The following TPO variants were observed in gnomAD, a reference collection of about 807,000 sequenced individuals.
TPO encodes the protein thyroid peroxidase, also known as thyroid microsomal antigen.
TPO carries 78 observed loss-of-function variants against 96.9 expected under a neutral mutation model. That is an observed-to-expected ratio of 0.81 (90% CI 0.67 to 0.97). The LOEUF (loss-of-function observed/expected upper bound fraction) is 0.97, where lower values mean the gene tolerates loss of function less well. TPO is among the 50% of genes least tolerant of loss of function. TPO has a pLI of 0.00. For missense variants in TPO, 1,252 were observed against 1,274.8 expected, an observed-to-expected ratio of 0.98 and a Z score of 0.27; for synonymous variants, 547 against 538.0, an observed-to-expected ratio of 1.02 and a Z score of -0.23.
rs549718968 is a variant in TPO, at chr2:1,418,180, G to A, written c.94+3678G>A. On this transcript the variant is annotated intron_variant, in intron 2 of 16. Coordinates refer to ENST00000329066, the MANE Select transcript of TPO (RefSeq NM_001206744.2). ...TGCCCACCTGTCATCCCAGCTACTC[G>A]GGAGGCTGAGGCACGAGAATCAGTT... Among the ~76,000 whole-genome samples the A allele has an allele frequency of 1.7e-4, 26 of 152,102 alleles. 1 individual carries two copies. In the South Asian group the frequency reaches 4.6e-3, roughly 27 times the overall value.
intron 15 of TPO, among the ~76,000 whole-genome samples, chr2:1,537,064 G>GTGTGCAACCTCCCCAATTCCCCA (rs1679888521): frequency 6.0e-5 from 1 of 16,566 alleles, no homozygotes; most frequent in African/African-American, 6.5e-4. Flanking sequence ...CCAAATCCCT[G>GTGTGCAACCTCCCCAATTCCCCA]CCACTGTGTG....
intron 3 of TPO, among the ~76,000 whole-genome samples, chr2:1,427,700 G>A (rs1216203694): frequency 1.3e-5 from 2 of 152,222 alleles, no homozygotes; most frequent in East Asian, 1.9e-4. Flanking sequence ...GAGACCAGAG[G>A]CCGAGGAACC....
At chr2:1,530,263 T>A (rs1677782687) in intron 15 of TPO, among the ~76,000 whole-genome samples, 2 of 79,758 alleles carry the variant, frequency 2.5e-5, no homozygotes, top group African/African-American at 1.1e-4. Context: ...ATCCCCCCAC[T>A]GTGTGCAACC....
chr2:1,503,880 G>A, intron 13 of TPO, 68 bp from the exon 14 acceptor site: 1 of 1,613,338 alleles, frequency 6.2e-7, no homozygotes, highest in Non-Finnish European at 8.5e-7. Flanking sequence ...TCCCAGAACG[G>A]GGGTCGCTCG....
At chr2:1,433,686 C>T (rs1665263001) in intron 4 of TPO, 79 bp downstream of exon 4, 9 of 1,535,504 alleles carry the variant, frequency 5.9e-6, no homozygotes, top group African/African-American at 1.4e-5. Context: ...GGGCTGCTTG[C>T]TCAGGGCATG....
At chr2:1,401,262 A>ACT (rs1328688248) in intron 1 of TPO, among the ~76,000 whole-genome samples, 1 of 152,122 alleles carries the variant, frequency 6.6e-6, no homozygotes, top group Non-Finnish European at 1.5e-5. Flanking sequence ...CCATTAGAAG[A>ACT]CTCGTGAATT....
intron 1 of TPO, among the ~76,000 whole-genome samples, chr2:1,394,834 A>G (rs1271805317): frequency 6.6e-6 from 1 of 152,106 alleles, no homozygotes; most frequent in Non-Finnish European, 1.5e-5. Context: ...TGCAAGCCGC[A>G]TTGGATGGGC....
chr2:1,422,316 A>AGACCTCGTGCAGGTGCCGCGCTGGACC (rs1663682898), intron 2 of TPO, among the ~76,000 whole-genome samples: 1 of 68,368 alleles, frequency 1.5e-5, no homozygotes, highest in African/African-American at 5.7e-5. Flanking sequence ...TCTCCTGGAC[A>AGACCTCGTGCAGGTGCCGCGCTGGACC]GACCTCGTGC....
intron 10 of TPO, among the ~76,000 whole-genome samples, chr2:1,490,846 C>A (rs1168203579): frequency 6.6e-6 from 1 of 152,166 alleles, no homozygotes; most frequent in African/African-American, 2.4e-5. Context: ...TTGTACTTTA[C>A]GGGGAATATA....
intron 7 of TPO, among the ~76,000 whole-genome samples, chr2:1,463,982 C>G (rs138235026): frequency 6.6e-6 from 1 of 151,792 alleles, no homozygotes; most frequent in Non-Finnish European, 1.5e-5. Flanking sequence ...TGTGAGATTT[C>G]GGTGCACCCA....
At chr2:1,430,654 T>C (rs554928235) in intron 3 of TPO, among the ~76,000 whole-genome samples, 1 of 152,360 alleles carries the variant, frequency 6.6e-6, no homozygotes, top group African/African-American at 2.4e-5. Context: ...TGGGCTGTGT[T>C]CAGGGAAGCC....
At position 1,487,912 on chromosome 2, in the gene TPO, G is replaced by A; in HGVS notation, c.1689G>A (p.Arg563=). ...DQLMNEELTE[R]LFVLSNSSTL... is the part of the protein sequence containing the mutation. ...TGATGAACGAGGAGCTGACGGAAAG[G>A]CTCTTTGTGCTGTCCAATTCCAGCA... is the stretch of plus-strand genomic sequence containing the variant. The change falls in exon 10 of 17, where the codon AGG becomes AGA. Residue 563 remains arginine (R), a synonymous_variant. Transcript: ENST00000329066. 6.2e-7 allele frequency: 1 copy of A among 1,614,194 alleles called. No homozygotes were observed. The highest frequency in any genetic ancestry group is 8.5e-7 in the Non-Finnish European group (1 of 1,180,036).
At position 1,509,085 on chromosome 2, in the gene TPO, G is replaced by C. The variant is rs7579188; in HGVS notation, c.2518+5006G>C. Among the ~76,000 whole-genome samples, 747 of 152,292 alleles carry C rather than the reference G, an allele frequency of 4.9e-3. 3 individuals are homozygous for C. Among genetic ancestry groups the C allele is most frequent in the African/African-American group, 0.017 (705 of 41,564 alleles). ...TGTCCCAGAGATTGTGGTATGTTGT[G>C]TCTTTGTTCTCGTTCGTTTCAAAGA... On this transcript the variant is annotated intron_variant, in intron 14 of 16. Transcript: ENST00000329066.
intron 4 of TPO, 41 bp downstream of exon 4, chr2:1,433,648 C>T (rs1157448759): frequency 5.0e-6 from 8 of 1,596,368 alleles, no homozygotes; most frequent in Non-Finnish European, 6.0e-6. Flanking sequence ...CGGCAACTCC[C>T]GAAGGAGGAC....
upstream of TPO, among the ~76,000 whole-genome samples, chr2:1,408,685 T>A (rs778304835): frequency 4.1e-4 from 63 of 152,180 alleles, no homozygotes; most frequent in Non-Finnish European, 7.3e-4. Flanking sequence ...AAAAGTACAT[T>A]CATTAATTAA....
In TPO at chr2:1,427,236, T is replaced by C. The variant is rs140392825; in HGVS notation, c.179+4107T>C. On this transcript the variant is annotated intron_variant, in intron 3 of 16. Coordinates refer to ENST00000329066, the MANE Select transcript of TPO (RefSeq NM_001206744.2). The stretch of plus-strand genomic sequence containing the variant: ...TGCCTGGGGACCCAGATCTTTATGA[T>C]GTGCAGTGAGCTTGCCGGCCCAGGC... 5.0e-3 allele frequency among the ~76,000 whole-genome samples: 755 copies of C among 152,346 alleles called. 5 individuals are homozygous for C. Among genetic ancestry groups the C allele is most frequent in the African/African-American group, 0.017 (690 of 41,580 alleles).
At chr2:1,501,568 C>T (rs755314271) in intron 13 of TPO, among the ~76,000 whole-genome samples, 6 of 152,240 alleles carry the variant, frequency 3.9e-5, no homozygotes, top group Non-Finnish European at 7.3e-5. Flanking sequence ...CCCCGTGTAC[C>T]TCTGCATGTG....
At chr2:1,462,855 C>A (rs1419066794) in intron 7 of TPO, among the ~76,000 whole-genome samples, 1 of 152,162 alleles carries the variant, frequency 6.6e-6, no homozygotes. Flanking sequence ...AAACTTTAAA[C>A]GTTGATCACA....
intron 6 of TPO, 82 bp from the exon 7 acceptor site, chr2:1,455,994 G>A: frequency 1.0e-5 from 14 of 1,394,806 alleles, no homozygotes; most frequent in Admixed American, 1.9e-5. Context: ...AACCACACCA[G>A]GAAGTGCATG....
Sources: gnomAD v4.1 joint callset for allele counts (sites outside exome capture counted in the v4.1 genomes callset) on GRCh38, gnomAD v4.1.1 for gene constraint, MANE v1.5 for transcripts, NCBI Gene and HGNC (gene_info 2026-07-23, HGNC 2026-07-21) for gene names.